The following HCN1 variants were observed in gnomAD, a reference collection of about 807,000 sequenced individuals.
HCN1 encodes potassium/sodium hyperpolarization-activated cyclic nucleotide-gated channel 1.
A neutral mutation model predicts 78.9 loss-of-function variants in HCN1; 13 were observed. The observed-to-expected ratio is 0.16, with a 90% CI of 0.11 to 0.26. The LOEUF is 0.26. Among genes scored for constraint, HCN1 ranks in the 10% least tolerant of loss-of-function variants. The probability of loss-of-function intolerance (pLI) is 1.00; values close to 1 mark genes in which losing one functional copy is unlikely to be tolerated. For missense variants in HCN1, 810 were observed against 1,154.3 expected, an observed-to-expected ratio of 0.70 and a Z score of 4.32; for synonymous variants, 552 against 455.5, an observed-to-expected ratio of 1.21 and a Z score of -2.70.
intron 2 of HCN1, among the ~76,000 whole-genome samples, chr5:45,493,548 T>C (rs1741942818): frequency 6.6e-6 from 1 of 152,062 alleles, no homozygotes; most frequent in African/African-American, 2.4e-5. Flanking sequence ...TATTAGAATA[T>C]ATTTACCAAT....
intron 1 of HCN1, among the ~76,000 whole-genome samples, chr5:45,684,589 G>A (rs553505554): frequency 3.3e-5 from 5 of 152,282 alleles, no homozygotes; most frequent in South Asian, 2.1e-4. Flanking sequence ...GGCCAGGCAC[G>A]GTGGCTCACG....
intron 6 of HCN1, among the ~76,000 whole-genome samples, chr5:45,284,631 T>G (rs1462015866): frequency 1.3e-5 from 2 of 152,132 alleles, no homozygotes; most frequent in Non-Finnish European, 1.5e-5. Context: ...AACTTCAGCC[T>G]TCTTGCTGAG....
chr5:45,410,135 G>A (rs1293865338), intron 3 of HCN1, among the ~76,000 whole-genome samples: 1 of 151,838 alleles, frequency 6.6e-6, no homozygotes, highest in Non-Finnish European at 1.5e-5. Context: ...CTCTTACAAG[G>A]AACTTAATAG....
intron 4 of HCN1, among the ~76,000 whole-genome samples, chr5:45,356,932 G>A (rs771042761): frequency 2.6e-5 from 4 of 151,850 alleles, no homozygotes; most frequent in Non-Finnish European, 4.4e-5. Flanking sequence ...TTCCTTTCTT[G>A]CTCATCAGTA....
intron 1 of HCN1, among the ~76,000 whole-genome samples, chr5:45,648,976 C>T (rs961127872): frequency 6.6e-6 from 1 of 152,002 alleles, no homozygotes; most frequent in Non-Finnish European, 1.5e-5. Context: ...TGTCAAGGCA[C>T]TCCAGGATAT....
At chr5:45,550,264 T>C (rs1324240804) in intron 2 of HCN1, among the ~76,000 whole-genome samples, 6 of 152,204 alleles carry the variant, frequency 3.9e-5, no homozygotes, top group Admixed American at 3.9e-4. Flanking sequence ...CCAACAATGA[T>C]AGACTGGATT....
In HCN1 at chr5:45,415,656, T is replaced by C. The variant is rs1250241177; in HGVS notation, c.1012-18946A>G. Among the ~76,000 whole-genome samples the C allele has an allele frequency of 2.6e-5, 4 of 152,042 alleles. No individual in the cohort carries two copies. The South Asian group carries it at 8.3e-4, about 31-fold the overall frequency. ...GCTCATTTTGTAAGTTTCTCAAAGA[T>C]CGACCTTCATCCCTTCAATTCAGCC... On this transcript the variant is annotated intron_variant, in intron 3 of 7. Coordinates refer to ENST00000303230, the MANE Select transcript of HCN1 (RefSeq NM_021072.4).
intron 2 of HCN1, among the ~76,000 whole-genome samples, chr5:45,524,241 C>T (rs1410442462): frequency 6.6e-6 from 1 of 152,162 alleles, no homozygotes; most frequent in Non-Finnish European, 1.5e-5. Flanking sequence ...GCTACCAGTA[C>T]TATGCTGTTT....
intron 3 of HCN1, among the ~76,000 whole-genome samples, chr5:45,456,934 A>G (rs1360602246): frequency 1.3e-5 from 2 of 152,052 alleles, no homozygotes; most frequent in South Asian, 2.1e-4. Context: ...TATTTGATGT[A>G]ACTCCTCATG....
chr5:45,532,266 T>C (rs892036435), intron 2 of HCN1, among the ~76,000 whole-genome samples: 13 of 152,166 alleles, frequency 8.5e-5, no homozygotes, highest in African/African-American at 1.7e-4. Flanking sequence ...GCTAAAACAA[T>C]TGTGGTCATG....
intron 2 of HCN1, among the ~76,000 whole-genome samples, chr5:45,590,263 C>T (rs1180245352): frequency 6.6e-6 from 1 of 152,020 alleles, no homozygotes; most frequent in Admixed American, 6.6e-5. Context: ...TAGAATAATA[C>T]ATCAGGAAAA....
intron 6 of HCN1, among the ~76,000 whole-genome samples, chr5:45,300,167 A>G (rs1348777563): frequency 2.0e-5 from 3 of 152,054 alleles, no homozygotes; most frequent in Admixed American, 2.0e-4. Flanking sequence ...TTTGTGCATA[A>G]TAACACTTCA....
chr5:45,267,444 T>TTTTTG (rs964800837), intron 6 of HCN1, among the ~76,000 whole-genome samples, 191 bp from the exon 7 acceptor site: 5 of 151,554 alleles, frequency 3.3e-5, no homozygotes, highest in African/African-American at 1.2e-4. Flanking sequence ...AAATAATGTT[T>TTTTTG]TTTTGTTTTG....
chr5:45,561,843 A>G (rs1253115414), intron 2 of HCN1, among the ~76,000 whole-genome samples: 1 of 152,180 alleles, frequency 6.6e-6, no homozygotes, highest in Non-Finnish European at 1.5e-5. Context: ...AACTCTGGAC[A>G]TGGAAACTTC....
intron 2 of HCN1, among the ~76,000 whole-genome samples, chr5:45,553,320 C>T (rs946018548): frequency 1.3e-5 from 2 of 151,750 alleles, no homozygotes; most frequent in African/African-American, 2.4e-5. Context: ...TCTTGCTTTT[C>T]CCCTAAGAAA....
chr5:45,601,448 C>A (rs1268118328), intron 2 of HCN1, among the ~76,000 whole-genome samples: 1 of 152,144 alleles, frequency 6.6e-6, no homozygotes, highest in Non-Finnish European at 1.5e-5. Flanking sequence ...CTGTGTTTCT[C>A]ACCTGTAAAA....
chr5:45,390,215 A>T (rs1695001376), intron 4 of HCN1, among the ~76,000 whole-genome samples: 1 of 152,154 alleles, frequency 6.6e-6, no homozygotes, highest in South Asian at 2.1e-4. Context: ...AAAGCGGCTA[A>T]CCAAACACAA....
In HCN1 at chr5:45,480,741, T is replaced by C. The variant is rs1177782142; in HGVS notation, c.850-18734A>G. Among the ~76,000 whole-genome samples, 15 of 152,306 alleles carry C rather than the reference T, an allele frequency of 9.8e-5. No homozygotes were observed. The East Asian group carries it at 2.9e-3, about 29-fold the overall frequency. On this transcript the variant is annotated intron_variant, in intron 2 of 7. Transcript: ENST00000303230. Reference sequence around the variant, plus strand: ...ATTAACAACATGTTTTCTACTTTAGTCCCTGATCATTTTTCCAGAGTCAGT... The same window carrying C: ...ATTAACAACATGTTTTCTACTTTAGCCCCTGATCATTTTTCCAGAGTCAGT...
At chr5:45,538,273 C>G (rs1377829054) in intron 2 of HCN1, among the ~76,000 whole-genome samples, 1 of 152,058 alleles carries the variant, frequency 6.6e-6, no homozygotes, top group Non-Finnish European at 1.5e-5. Context: ...TAGAGATCCT[C>G]TAATTGCTGT....
Sources: allele counts gnomAD v4.1 joint callset (sites outside exome capture counted in the v4.1 genomes callset), GRCh38; gene constraint gnomAD v4.1.1; transcripts MANE v1.5; gene names NCBI Gene and HGNC (gene_info 2026-07-23, HGNC 2026-07-21).